The following DISC1 variants were observed in gnomAD, a reference collection of about 807,000 sequenced individuals.
The protein encoded by DISC1 is DISC1 scaffold protein.
In DISC1, 57 loss-of-function variants were observed where a neutral mutation model predicts 84.5. The ratio of observed to expected loss-of-function variants is 0.67; its 90% CI spans 0.55 to 0.84. The LOEUF is 0.84. Among genes scored for constraint, DISC1 ranks in the 40% least tolerant of loss-of-function variants. DISC1 has a pLI of 0.00. For synonymous variants in DISC1, 411 were observed against 415.2 expected, an observed-to-expected ratio of 0.99 and a Z score of 0.12; for missense variants, 1,000 against 1,057.8, an observed-to-expected ratio of 0.95 and a Z score of 0.76.
chr1:231,964,693 A>G (rs1660860086), intron 10 of DISC1, among the ~76,000 whole-genome samples: 1 of 152,242 alleles, frequency 6.6e-6, no homozygotes, highest in Non-Finnish European at 1.5e-5. Flanking sequence ...TGTGGGCTCC[A>G]CTGATAATCT....
intron 9 of DISC1, among the ~76,000 whole-genome samples, chr1:231,935,482 A>G (rs1367912032): frequency 6.6e-6 from 1 of 152,248 alleles, no homozygotes; most frequent in Non-Finnish European, 1.5e-5. Context: ...GTGATATAAA[A>G]TTGTTCAGCA....
At chr1:231,645,900 CTT>C (rs751578318) in intron 1 of DISC1, among the ~76,000 whole-genome samples, 3 of 134,840 alleles carry the variant, frequency 2.2e-5, no homozygotes, top group African/African-American at 2.7e-5. Context: ...ATTTTCTTTT[CTT>C]TTTTTTTTTT....
At chr1:231,956,689 C>T (rs1659567361) in intron 9 of DISC1, among the ~76,000 whole-genome samples, 1 of 152,288 alleles carries the variant, frequency 6.6e-6, no homozygotes, top group Middle Eastern at 3.4e-3. Flanking sequence ...TTCTGTGAGT[C>T]AGGAATTCAG....
At chr1:231,773,357 TG>T (rs2125472661) in intron 6 of DISC1, among the ~76,000 whole-genome samples, 1 of 152,240 alleles carries the variant, frequency 6.6e-6, no homozygotes, top group South Asian at 2.1e-4. Context: ...AGTAATCTAG[TG>T]CTTTGATAGG....
chr1:231,796,950 C>T (rs2078811325), intron 7 of DISC1, among the ~76,000 whole-genome samples: 1 of 152,276 alleles, frequency 6.6e-6, no homozygotes, highest in Admixed American at 6.5e-5. Context: ...CTTCTGAGCT[C>T]AAGCGATCCT....
At chr1:231,792,969 C>T (rs1558554011) in intron 6 of DISC1, among the ~76,000 whole-genome samples, 2 of 152,158 alleles carry the variant, frequency 1.3e-5, no homozygotes, top group Non-Finnish European at 2.9e-5. Flanking sequence ...TCCATTTGGG[C>T]TGATCTCAGC....
At chr1:232,033,160 T>G (rs531715076) in intron 12 of DISC1, among the ~76,000 whole-genome samples, 2 of 152,148 alleles carry the variant, frequency 1.3e-5, no homozygotes, top group Non-Finnish European at 2.9e-5. Flanking sequence ...TCATTCCTAG[T>G]CCTCTTCTTC....
intron 10 of DISC1, among the ~76,000 whole-genome samples, chr1:232,002,207 CAA>C (rs141064716): frequency 6.6e-6 from 1 of 150,694 alleles, no homozygotes; most frequent in Non-Finnish European, 1.5e-5. Flanking sequence ...ATGGCAAAAA[CAA>C]AAAAAAATTA....
At chr1:231,674,239 C>T (rs527656291) in intron 1 of DISC1, among the ~76,000 whole-genome samples, 1 of 149,534 alleles carries the variant, frequency 6.7e-6, no homozygotes, top group African/African-American at 2.6e-5. Context: ...ATTTGTCAAG[C>T]TAGTTTTTGA....
At chr1:231,784,142 A>T (rs2077650917) in intron 6 of DISC1, among the ~76,000 whole-genome samples, 1 of 152,100 alleles carries the variant, frequency 6.6e-6, no homozygotes. Flanking sequence ...GCGCACCTGT[A>T]ATCCCAGCTA....
At chr1:231,907,588 T>C (rs1383474712) in intron 9 of DISC1, among the ~76,000 whole-genome samples, 1 of 152,244 alleles carries the variant, frequency 6.6e-6, no homozygotes, top group South Asian at 2.1e-4. Flanking sequence ...GATGGATATT[T>C]GGGTTGGTTC....
rs1185904521 is a variant in DISC1 at position 231,897,942 on chromosome 1, G to T, written c.1982-60886G>T. 3.9e-5 allele frequency among the ~76,000 whole-genome samples: 6 copies of T among 152,080 alleles called. No homozygotes were observed. The highest frequency in any genetic ancestry group is 8.8e-5 in the Non-Finnish European group (6 of 68,022). ...AGGTGGCCCTCGATTAAATATATACGAGCAAGTATTTATTGAATCTCATTT... is the reference window on the plus strand; with the variant it reads ...AGGTGGCCCTCGATTAAATATATACTAGCAAGTATTTATTGAATCTCATTT... On this transcript the variant is annotated intron_variant, in intron 9 of 12. Transcript: ENST00000439617. The surrounding 1 kb of genome is among the most constrained non-coding windows in gnomAD (Gnocchi z 4.5).
intron 10 of DISC1, among the ~76,000 whole-genome samples, chr1:231,961,072 G>A (rs925295016): frequency 6.6e-6 from 1 of 152,234 alleles, no homozygotes; most frequent in African/African-American, 2.4e-5. Flanking sequence ...CCATCTTCAA[G>A]GAACCTCCAC....
At chr1:231,683,722 C>G (rs1181641948) in intron 1 of DISC1, among the ~76,000 whole-genome samples, 1 of 151,874 alleles carries the variant, frequency 6.6e-6, no homozygotes, top group Non-Finnish European at 1.5e-5. Flanking sequence ...ATTTAACCCT[C>G]CTGGCTTTCC....
Position 231,818,411 on chromosome 1 carries a change from C to G in DISC1, c.1875C>G (p.Leu625=), listed in dbSNP as rs1160172621. 6.2e-7 allele frequency: 1 copy of G among 1,614,158 alleles called. No individual in the cohort carries two copies. Among genetic ancestry groups the G allele is most frequent in the African/African-American group, 1.3e-5 (1 of 75,034 alleles). Residue 625 remains leucine, a synonymous_variant, in exon 9 of 13, where the codon CTC becomes CTG. Transcript: ENST00000439617. ...AGAGAGAAGGGCTGGAGGGACTCCT[C>G]AGCAAGCTGTTGGTGTTGAGTTCCA... The part of the protein sequence containing the change: ...TSEREGLEGL[L]SKLLVLSSRN...
At chr1:231,729,943 C>T (rs1474429916) in intron 3 of DISC1, among the ~76,000 whole-genome samples, 1 of 151,998 alleles carries the variant, frequency 6.6e-6, no homozygotes, top group African/African-American at 2.4e-5. Flanking sequence ...CAGTGGTGCT[C>T]CTCTGATACT....
Position 232,008,774 on chromosome 1 carries a change from C to G in DISC1, c.2043-11C>G. On this transcript the variant is annotated splice_polypyrimidine_tract_variant and intron_variant, in intron 10 of 12. Transcript: ENST00000439617. Reference sequence around the variant, plus strand: ...GTTCATTTTTATGCCTTTGTTTCCTCTCTGTCTCAGCTGCAAGTGTCCACT... The same window carrying G: ...GTTCATTTTTATGCCTTTGTTTCCTGTCTGTCTCAGCTGCAAGTGTCCACT... 1 of 1,538,884 alleles carries G rather than the reference C, an allele frequency of 6.5e-7. No individual in the cohort carries two copies. Among genetic ancestry groups the G allele is most frequent in the East Asian group, 2.3e-5 (1 of 44,234 alleles).
rs74144126 is a variant in DISC1 at position 231,757,926 on chromosome 1, C to T, written c.1268+7850C>T. ...CACAACTGGGAACCGTGCTCACAGTCGGCTTTCCACTCAGGCACCCAACAG... is the reference window on the plus strand; with the variant it reads ...CACAACTGGGAACCGTGCTCACAGTTGGCTTTCCACTCAGGCACCCAACAG... On this transcript the variant is annotated intron_variant, in intron 4 of 12. Transcript: ENST00000439617. 3.2e-3 allele frequency among the ~76,000 whole-genome samples: 489 copies of T among 151,558 alleles called. 2 individuals are homozygous for T. The highest frequency in any genetic ancestry group is 0.011 in the African/African-American group (464 of 41,340).
intron 1 of DISC1, among the ~76,000 whole-genome samples, chr1:231,657,889 C>A (rs1034350663): frequency 6.6e-6 from 1 of 152,040 alleles, no homozygotes; most frequent in African/African-American, 2.4e-5. Flanking sequence ...TGTAGCCTTG[C>A]AGTATAGTTT....
Sources: gnomAD v4.1 joint callset for allele counts (sites outside exome capture counted in the v4.1 genomes callset) on GRCh38, gnomAD v4.1.1 for gene constraint, Gnocchi (gnomAD v3.1) non-coding constraint, MANE v1.5 for transcripts, NCBI Gene and HGNC (gene_info 2026-07-23, HGNC 2026-07-21) for gene names.